Variants in KIF14 observed in about 807,000 individuals in gnomAD.
KIF14 encodes the protein kinesin-like protein KIF14.
In KIF14, 98 loss-of-function variants were observed where a neutral mutation model predicts 176.2. The ratio of observed to expected loss-of-function variants is 0.56; its 90% CI spans 0.47 to 0.66. KIF14 has a LOEUF of 0.66. Among genes scored for constraint, KIF14 ranks in the 30% least tolerant of loss-of-function variants. The probability of loss-of-function intolerance (pLI) is 0.00; values close to 1 mark genes in which losing one functional copy is unlikely to be tolerated. For synonymous variants in KIF14, 566 were observed against 632.2 expected (o/e 0.90, Z 1.57); for missense variants, 1,751 against 1,920.4 (o/e 0.91, Z 1.65).
chr1:200,563,008 G>A (rs927381243), intron 25 of KIF14, among the ~76,000 whole-genome samples: 7 of 152,138 alleles, frequency 4.6e-5, no homozygotes, highest in East Asian at 1.9e-4. Context: ...AAGTCATAAC[G>A]GGTGAAGTTT....
intron 1 of KIF14, 104 bp from the exon 2 acceptor site, chr1:200,618,942 A>G (rs1660553449): frequency 4.6e-6 from 2 of 436,732 alleles, no homozygotes; most frequent in African/African-American, 3.9e-5. Flanking sequence ...GGCATACATT[A>G]CAATAGATCA....
intron 2 of KIF14, among the ~76,000 whole-genome samples, chr1:200,616,259 A>T (rs768782360): frequency 7.2e-5 from 11 of 152,186 alleles, no homozygotes; most frequent in Non-Finnish European, 1.5e-4. Flanking sequence ...GACTGCTTTA[A>T]ATCAGAATTT....
chr1:200,587,824 C>T lies in KIF14; in HGVS notation c.3114+1393G>A, dbSNP rs543123892. ...AACTCCGTCTCAAAATAAAACAAAA[C>T]CAAAAATGGTAACAATCATAATTGT... On this transcript the variant is annotated intron_variant, in intron 18 of 29. Transcript: ENST00000367350. Among the ~76,000 whole-genome samples the T allele has an allele frequency of 1.1e-4, 17 of 152,106 alleles. 1 individual carries two copies. The South Asian group carries it at 2.5e-3, about 22-fold the overall frequency.
chr1:200,564,155 G>A (rs546558584), intron 25 of KIF14, among the ~76,000 whole-genome samples: 11 of 147,796 alleles, frequency 7.4e-5, no homozygotes, highest in East Asian at 6.1e-4. Context: ...CTAGCTACTC[G>A]AGAGGCTGAG....
Position 200,586,082 on chromosome 1 carries a change from A to G in KIF14, c.3241+19T>C. ...TGCATAATTTTAGAAAATGTTTGCT[A>G]AAATCAGCACACACTTACCTGTAAA... On this transcript the variant is annotated intron_variant, in intron 19 of 29. Transcript: ENST00000367350. 6.9e-7 allele frequency: 1 copy of G among 1,459,720 alleles called. No individual in the cohort carries two copies. Among genetic ancestry groups the G allele is most frequent in the Non-Finnish European group, 9.2e-7 (1 of 1,091,316 alleles). The allele number at this position is 1,459,720 out of a possible 1,614,324, so 90.4% of individuals were successfully genotyped here.
Position 200,553,938 on chromosome 1 carries a change from T to C in KIF14, c.4568-171A>G, listed in dbSNP as rs1656693870. Reference sequence around the variant, plus strand: ...GTTTATTTGCTAGATGAGCACTTGGTTTTTCAGGATCTAATTATTTAGGTA... The same window carrying C: ...GTTTATTTGCTAGATGAGCACTTGGCTTTTCAGGATCTAATTATTTAGGTA... On this transcript the variant is annotated intron_variant, in intron 29 of 29. Transcript: ENST00000367350. Among the ~76,000 whole-genome samples, 3 of 152,168 alleles carry C rather than the reference T, an allele frequency of 2.0e-5. No homozygotes were observed. The South Asian group carries it at 6.2e-4, about 32-fold the overall frequency.
chr1:200,555,542 A>G, intron 27 of KIF14, 88 bp from the exon 28 acceptor site: 1 of 664,088 alleles, frequency 1.5e-6, no homozygotes, highest in East Asian at 3.4e-5. Flanking sequence ...CTTTTAAAAA[A>G]TTCTAGTCTA....
rs1320178003 is a variant in KIF14, at chr1:200,620,442, G to A, written c.-147C>T. 1 of 152,272 alleles carries A rather than the reference G, an allele frequency of 6.6e-6. No homozygotes were observed. The highest frequency in any genetic ancestry group is 1.5e-5 in the Non-Finnish European group (1 of 68,070). The allele number at this position is 152,272 out of a possible 1,614,324, so 9.4% of individuals were successfully genotyped here. On this transcript the variant is annotated 5_prime_UTR_variant, in exon 1 of 30. Coordinates refer to ENST00000367350, the MANE Select transcript of KIF14 (RefSeq NM_014875.3). ...ATGCCAACCGACTCGGGGAGACTCG[G>A]GGAGAAGCCCACGGGCCGAGAGGCC...
At chr1:200,593,560 A>T in intron 15 of KIF14, 107 bp downstream of exon 15, 1 of 759,412 alleles carries the variant, frequency 1.3e-6, no homozygotes, top group Non-Finnish European at 2.2e-6. Flanking sequence ...AAAAGTCCTT[A>T]ATCTGCTTCA....
chr1:200,614,308 A>T lies in KIF14; in HGVS notation c.1455+10T>A, dbSNP rs1389116339. ...CTGAAAAGAAGCTTGCAGGTATTAT[A>T]AGAACATACCTCTTGGGTTTGTTTT... On this transcript the variant is annotated intron_variant, in intron 4 of 29. Transcript: ENST00000367350. 1 of 1,495,476 alleles carries T rather than the reference A, an allele frequency of 6.7e-7. No individual in the cohort carries two copies. Among genetic ancestry groups the T allele is most frequent in the Admixed American group, 1.7e-5 (1 of 57,638 alleles). The allele number at this position is 1,495,476 out of a possible 1,614,324, so 92.6% of individuals were successfully genotyped here.
At position 200,551,881 on chromosome 1, in the gene KIF14, G is replaced by A. The variant is rs1369156855; in HGVS notation, c.*1507C>T. The A allele has an allele frequency of 6.6e-6, 1 of 152,110 alleles. No individual in the cohort carries two copies. The highest frequency in any genetic ancestry group is 1.9e-4 in the East Asian group (1 of 5,196). 9.4% of individuals were successfully genotyped at this position (152,110 alleles called of 1,614,324 possible). ...AAAAACACATATAGAGCTTCAGAAAGAATACAAGGTCAAATGCCAAAAATA... is the reference window on the plus strand; with the variant it reads ...AAAAACACATATAGAGCTTCAGAAAAAATACAAGGTCAAATGCCAAAAATA... On this transcript the variant is annotated 3_prime_UTR_variant, in exon 30 of 30. Coordinates refer to ENST00000367350, the MANE Select transcript of KIF14 (RefSeq NM_014875.3).
intron 22 of KIF14, among the ~76,000 whole-genome samples, chr1:200,575,024 T>C (rs1658018653): frequency 6.8e-6 from 1 of 147,380 alleles, no homozygotes; most frequent in South Asian, 2.2e-4. Flanking sequence ...TGGAGCGATC[T>C]CAGCTCACTG....
At chr1:200,559,641 T>A (rs1657022077) in intron 26 of KIF14, among the ~76,000 whole-genome samples, 189 bp from the exon 27 acceptor site, 1 of 152,218 alleles carries the variant, frequency 6.6e-6, no homozygotes, top group South Asian at 2.1e-4. Flanking sequence ...CAGTCTGTGG[T>A]CTGTAAAGAA....
Position 200,618,823 on chromosome 1 carries a change from G to A in KIF14, c.-100C>T. On this transcript the variant is annotated 5_prime_UTR_variant, in exon 2 of 30. Coordinates refer to ENST00000367350, the MANE Select transcript of KIF14 (RefSeq NM_014875.3). The stretch of plus-strand genomic sequence containing the variant: ...AGCCATTTCTTATGTATCCATTTCT[G>A]AAAGTATCTGCTAAACTAAAAGAAA... The A allele has an allele frequency of 1.1e-6, 1 of 937,956 alleles. No homozygotes were observed. 58.1% of individuals were successfully genotyped at this position (937,956 alleles called of 1,614,324 possible). A position where few individuals can be genotyped will look rare whatever the true frequency, so the allele number is the denominator to read the frequency against.
At chr1:200,588,005 A>G (rs1170988186) in intron 18 of KIF14, among the ~76,000 whole-genome samples, 1 of 151,970 alleles carries the variant, frequency 6.6e-6, no homozygotes, top group Non-Finnish European at 1.5e-5. Flanking sequence ...TCCACCCCCA[A>G]CTCCCACCCT....
intron 13 of KIF14, 108 bp from the exon 14 acceptor site, chr1:200,598,529 C>G (rs181367105): frequency 1.5e-6 from 1 of 648,402 alleles, no homozygotes; most frequent in East Asian, 3.2e-5. Context: ...TATATGAAGT[C>G]TCACTAAATT....
chr1:200,569,520 C>T (rs780868964), intron 23 of KIF14, among the ~76,000 whole-genome samples: 24 of 152,268 alleles, frequency 1.6e-4, no homozygotes, highest in Non-Finnish European at 2.5e-4. Flanking sequence ...TTTGGGGTTT[C>T]GGTGTAGTTC....
intron 18 of KIF14, among the ~76,000 whole-genome samples, chr1:200,586,557 C>T (rs1200231936): frequency 1.3e-5 from 2 of 151,068 alleles, no homozygotes; most frequent in East Asian, 3.9e-4. Context: ...TTTTTCCCCA[C>T]AACAATATTA....
chr1:200,598,507 T>TG, intron 13 of KIF14, 86 bp from the exon 14 acceptor site: 1 of 844,704 alleles, frequency 1.2e-6, no homozygotes, highest in African/African-American at 1.8e-5. Flanking sequence ...ATATTAAACA[T>TG]TAAAACAATT....
Sources: gnomAD v4.1 joint callset for allele counts (sites outside exome capture counted in the v4.1 genomes callset) on GRCh38, gnomAD v4.1.1 for gene constraint, MANE v1.5 for transcripts, NCBI Gene and HGNC (gene_info 2026-07-23, HGNC 2026-07-21) for gene names.